The following TOP1 variants were observed in gnomAD, a reference collection of about 807,000 sequenced individuals.
TOP1 encodes DNA topoisomerase 1.
Under a neutral mutation model 111.1 loss-of-function variants are expected in TOP1, and 10 were observed. The ratio of observed to expected loss-of-function variants is 0.09; its 90% CI spans 0.06 to 0.15. The LOEUF (loss-of-function observed/expected upper bound fraction) is 0.15. TOP1 is among the 10% of genes least tolerant of loss of function. The pLI, the probability that TOP1 is intolerant of heterozygous loss-of-function variation, is 1.00. For missense variants in TOP1, 474 were observed against 926.7 expected, an observed-to-expected ratio of 0.51 and a Z score of 6.34; for synonymous variants, 271 against 302.9, an observed-to-expected ratio of 0.89 and a Z score of 1.10.
At chr20:41,033,275 T>G (rs1306051328) in intron 2 of TOP1, among the ~76,000 whole-genome samples, 1 of 151,280 alleles carries the variant, frequency 6.6e-6, no homozygotes, top group African/African-American at 2.4e-5. Context: ...TTTTCTTTGG[T>G]TCAGTAGATA....
rs554969100 is a variant in TOP1, at chr20:41,059,323, T to TA, written c.59-2062dup. 7.1e-3 allele frequency among the ~76,000 whole-genome samples: 1,052 copies of TA among 148,672 alleles called. 13 individuals carry two copies. Among genetic ancestry groups the TA allele is most frequent in the East Asian group, 0.026 (133 of 5,104 alleles). ...CACATATACCCCTGAACTTAAAAGT[T>TA]AAAAAAAAATGGTGTTAGAACAACT... On this transcript the variant is annotated intron_variant, in intron 2 of 20. Transcript: ENST00000361337.
At chr20:41,062,647 A>G (rs1269395433) in intron 3 of TOP1, among the ~76,000 whole-genome samples, 3 of 152,236 alleles carry the variant, frequency 2.0e-5, no homozygotes, top group Non-Finnish European at 4.4e-5. Flanking sequence ...CATAATGATA[A>G]AAGGGACCCA....
chr20:41,066,912 G>C (rs1421056926), intron 3 of TOP1, among the ~76,000 whole-genome samples: 1 of 151,874 alleles, frequency 6.6e-6, no homozygotes, highest in East Asian at 1.9e-4. Context: ...TTTTTGCCAA[G>C]AGCTATTGGA....
Position 41,118,486 on chromosome 20 carries a change from A to G in TOP1, c.1950+190A>G, listed in dbSNP as rs1039932948. 6.6e-6 allele frequency among the ~76,000 whole-genome samples: 1 copy of G among 152,238 alleles called. No homozygotes were observed. The highest frequency in any genetic ancestry group is 1.5e-5 in the Non-Finnish European group (1 of 68,040). On this transcript the variant is annotated intron_variant, in intron 18 of 20. Transcript: ENST00000361337. This position sits in a 1 kb window ranked among gnomAD's most constrained non-coding sequence, Gnocchi z 4.6. ...GATACTGAATATCAGAGTATCCATT[A>G]TTCAAGAAATCTTTATTCTACGCAT...
At chr20:41,065,725 C>T (rs1225901079) in intron 3 of TOP1, among the ~76,000 whole-genome samples, 3 of 152,006 alleles carry the variant, frequency 2.0e-5, no homozygotes, top group Non-Finnish European at 4.4e-5. Context: ...CGTATTGTAG[C>T]GTATCAGAAA....
rs2034265627 is a variant in TOP1 at position 41,112,936 on chromosome 20, C to A, written c.1452+11C>A. 1 of 1,613,022 alleles carries A rather than the reference C, an allele frequency of 6.2e-7. No homozygotes were observed. ...TACTTCATCGACAAGGTGAGAGCAT[C>A]TTCCCATCGGCATTGTCTAGTGTTG... On this transcript the variant is annotated intron_variant, in intron 14 of 20. Coordinates refer to ENST00000361337, the MANE Select transcript of TOP1 (RefSeq NM_003286.4). The surrounding 1 kb of genome is among the most constrained non-coding windows in gnomAD (Gnocchi z 5.8).
intron 2 of TOP1, among the ~76,000 whole-genome samples, chr20:41,052,763 G>A (rs771928047): frequency 1.1e-4 from 17 of 152,184 alleles, no homozygotes; most frequent in Non-Finnish European, 2.1e-4. Context: ...GGCCAAGGCA[G>A]GTATATCACT....
intron 8 of TOP1, among the ~76,000 whole-genome samples, chr20:41,086,543 G>A (rs535549004): frequency 2.0e-5 from 3 of 152,272 alleles, no homozygotes; most frequent in Admixed American, 1.3e-4. Context: ...CCTTTACTTC[G>A]GAGCTTTGGC....
In TOP1 at chr20:41,113,380, AT is replaced by A. The variant is rs886185332; in HGVS notation, c.1452+465del. Among the ~76,000 whole-genome samples, 172 of 150,710 alleles carry A rather than the reference AT, an allele frequency of 1.1e-3. 2 individuals carry two copies. The highest frequency in any genetic ancestry group is 6.3e-3 in the Admixed American group (95 of 15,114). On this transcript the variant is annotated intron_variant, in intron 14 of 20. Coordinates refer to ENST00000361337, the MANE Select transcript of TOP1 (RefSeq NM_003286.4). ...ACTCCCTCATTTGCTGCCTTATTTAATTTTTTTTTTCCTTTTCTCCATCCCT... is the reference window on the plus strand; with the variant it reads ...ACTCCCTCATTTGCTGCCTTATTTAATTTTTTTTTCCTTTTCTCCATCCCT...
intron 2 of TOP1, among the ~76,000 whole-genome samples, chr20:41,053,219 C>A (rs547166235): frequency 6.6e-6 from 1 of 152,236 alleles, no homozygotes; most frequent in East Asian, 1.9e-4. Context: ...GTAGCACATC[C>A]ACCAAGAATG....
chr20:41,054,653 G>T (rs2033448091), intron 2 of TOP1, among the ~76,000 whole-genome samples: 1 of 152,186 alleles, frequency 6.6e-6, no homozygotes, highest in Admixed American at 6.5e-5. Context: ...TGTGTGCCTT[G>T]GGCAGCCAGC....
chr20:41,056,353 TATTTACTCAGAAATTACAA>T (rs1216146063), intron 2 of TOP1, among the ~76,000 whole-genome samples: 13 of 152,220 alleles, frequency 8.5e-5, no homozygotes, highest in African/African-American at 3.1e-4. Context: ...TATAAATTTA[TATTTACTCAGAAATTACAA>T]ATTTACTGAG....
chr20:41,084,168 C>G (rs543889327), intron 7 of TOP1, among the ~76,000 whole-genome samples: 1 of 152,044 alleles, frequency 6.6e-6, no homozygotes, highest in East Asian at 1.9e-4. Flanking sequence ...TAGAGCAGTA[C>G]TTTTCCAAAC....
chr20:41,029,812 G>GTCTCTT lies in TOP1; in HGVS notation c.58+363_58+368dup. On this transcript the variant is annotated intron_variant, in intron 2 of 20. Transcript: ENST00000361337. The surrounding 1 kb of genome is among the most constrained non-coding windows in gnomAD (Gnocchi z 6.1). The stretch of plus-strand genomic sequence containing the variant: ...TCTCTCCTCTCCTTTCTGTGCCTGT[G>GTCTCTT]TCTCTTTCTCTCCCTCCCTCGGCTC... 3.0e-6 allele frequency: 1 copy of GTCTCTT among 337,126 alleles called. No individual in the cohort carries two copies. The allele number at this position is 337,126 out of a possible 1,614,324, so 20.9% of individuals were successfully genotyped here.
chr20:41,081,938 T>C (rs1600577391), intron 7 of TOP1, among the ~76,000 whole-genome samples: 2 of 152,254 alleles, frequency 1.3e-5, no homozygotes, highest in East Asian at 3.8e-4. Context: ...AATGCTTTCC[T>C]AAATGTTCTT....
At position 41,061,496 on chromosome 20, in the gene TOP1, G is replaced by A; in HGVS notation, c.155+6G>A. 6.3e-7 allele frequency: 1 copy of A among 1,580,554 alleles called. No individual in the cohort carries two copies. Among genetic ancestry groups the A allele is most frequent in the Non-Finnish European group, 8.6e-7 (1 of 1,161,136 alleles). The stretch of plus-strand genomic sequence containing the variant: ...AAGTCCAAGCATAGCAACAGGTAAG[G>A]GTGGAATCAAGCAAGTCCCTCATCA... On this transcript the variant is annotated splice_donor_region_variant and intron_variant, in intron 3 of 20. Transcript: ENST00000361337. This position sits in a 1 kb window ranked among gnomAD's most constrained non-coding sequence, Gnocchi z 4.6.
rs909831623 is a variant in TOP1, at chr20:41,078,347, C to T, written c.335+710C>T. ...TGTTTATTGTTACATATTCTCACTTCACTGAATGACAGAAAGGATTTATTA... is the reference window on the plus strand; with the variant it reads ...TGTTTATTGTTACATATTCTCACTTTACTGAATGACAGAAAGGATTTATTA... On this transcript the variant is annotated intron_variant, in intron 5 of 20. Transcript: ENST00000361337. The surrounding 1 kb of genome is among the most constrained non-coding windows in gnomAD (Gnocchi z 5.3). Among the ~76,000 whole-genome samples, 2 of 152,230 alleles carry T rather than the reference C, an allele frequency of 1.3e-5. No individual in the cohort carries two copies. The highest frequency in any genetic ancestry group is 2.4e-5 in the African/African-American group (1 of 41,464).
In TOP1 at chr20:41,081,225, A is replaced by G; in HGVS notation, c.492A>G (p.Lys164=). 1 of 1,605,950 alleles carries G rather than the reference A, an allele frequency of 6.2e-7. No homozygotes were observed. The highest frequency in any genetic ancestry group is 8.5e-7 in the Non-Finnish European group (1 of 1,174,924). The part of the protein sequence containing the change: ...TEDTKKEKKR[K]LEEEEDGKLK... Reference sequence around the variant, plus strand: ...ATACCAAGAAGGAGAAGAAAAGAAAACTAGAAGAAGAAGAGGTTAGTAAAG... The same window carrying G: ...ATACCAAGAAGGAGAAGAAAAGAAAGCTAGAAGAAGAAGAGGTTAGTAAAG... Residue 164 remains lysine, a synonymous_variant, in exon 7 of 21, where the codon AAA becomes AAG. Transcript: ENST00000361337.
At position 41,106,835 on chromosome 20, in the gene TOP1, T is replaced by A. The variant is rs937632846; in HGVS notation, c.1308+5482T>A. 2.0e-5 allele frequency among the ~76,000 whole-genome samples: 3 copies of A among 152,180 alleles called. No homozygotes were observed. Among genetic ancestry groups the A allele is most frequent in the African/African-American group, 4.8e-5 (2 of 41,454 alleles). ...TCATTTGGGGTTTCTATGTAGATAA[T>A]TTAATTATCTATAAAAACAGTTCTT... On this transcript the variant is annotated intron_variant, in intron 13 of 20. Transcript: ENST00000361337. This position sits in a 1 kb window ranked among gnomAD's most constrained non-coding sequence, Gnocchi z 4.3.
Sources: allele counts gnomAD v4.1 joint callset (sites outside exome capture counted in the v4.1 genomes callset), GRCh38; gene constraint gnomAD v4.1.1; non-coding constraint Gnocchi (gnomAD v3.1); transcripts MANE v1.5; gene names NCBI Gene and HGNC (gene_info 2026-07-23, HGNC 2026-07-21).